The following CLIC5 variants were observed in gnomAD, a reference collection of about 807,000 sequenced individuals.
CLIC5 encodes chloride intracellular channel protein 5.
A neutral mutation model predicts 24.7 loss-of-function variants in CLIC5; 20 were observed. That is an observed-to-expected ratio of 0.81 (90% CI 0.57 to 1.18). The LOEUF (loss-of-function observed/expected upper bound fraction) is 1.18, where lower values mean the gene tolerates loss of function less well. Ranked by LOEUF, CLIC5 falls within the 50% of genes most tolerant of loss-of-function variation. The pLI is 0.00. For missense variants in CLIC5, 341 were observed against 326.1 expected (o/e 1.05, Z -0.35); for synonymous variants, 159 against 135.6 (o/e 1.17, Z -1.20).
At position 45,929,709 on chromosome 6, in the gene CLIC5, G is replaced by A. The variant is rs143772644; in HGVS notation, c.406+11838C>T. 8.3e-3 allele frequency among the ~76,000 whole-genome samples: 1,257 copies of A among 152,310 alleles called. 3 individuals carry two copies. The highest frequency in any genetic ancestry group is 0.014 in the Non-Finnish European group (919 of 68,028). ...CAAGATGGCCTGATAACAGCCCACC[G>A]TGGGGCTCCCAGGCCTCTGCAGCGG... is the stretch of plus-strand genomic sequence containing the variant. On this transcript the variant is annotated intron_variant, in intron 4 of 5. Coordinates refer to ENST00000339561, the MANE Select transcript of CLIC5 (RefSeq NM_016929.5).
intron 6 of CLIC5, among the ~76,000 whole-genome samples, chr6:45,883,047 A>G (rs1762276356): frequency 6.6e-6 from 1 of 152,194 alleles, no homozygotes; most frequent in African/African-American, 2.4e-5. Flanking sequence ...TGGGATGGAG[A>G]TTCCGAGCTG....
At chr6:46,122,961 T>G in the CLIC5 span, 1 of 151,992 alleles carries the variant, frequency 6.6e-6, no homozygotes, top group Non-Finnish European at 1.5e-5. Context: ...CCAAAAAAAG[T>G]CCAGGACCAG....
In CLIC5 at chr6:45,914,371, C is replaced by A. The variant is rs767341327; in HGVS notation, c.445G>T (p.Asp149Tyr). 1.3e-6 allele frequency: 2 copies of A among 1,594,320 alleles called. No homozygotes were observed. Among genetic ancestry groups the A allele is most frequent in the Non-Finnish European group, 1.7e-6 (2 of 1,165,484 alleles). The change falls in exon 5 of 6, where the codon GAT (aspartate) becomes TAT (tyrosine). Residue 149 changes from aspartate (D) to tyrosine (Y), a missense_variant. By Grantham distance (160) the Asp-to-Tyr change is radical. Coordinates refer to ENST00000339561, the MANE Select transcript of CLIC5 (RefSeq NM_016929.5). ...GGTAGAGGGGTGTTCAGGTAGTCAT[C>A]CAATTTCTTTAGAGCCTTGGTTAGG... Reference protein sequence around the residue: ...RGLTKALKKLDDYLNTPLPEE... With the variant: ...RGLTKALKKLYDYLNTPLPEE...
upstream of CLIC5, chr6:46,015,923 G>A (rs1318918256): frequency 2.0e-6 from 2 of 1,001,100 alleles, no homozygotes; most frequent in East Asian, 1.0e-4. Flanking sequence ...CAGCCGGGCG[G>A]GGACGCGGCG....
chr6:45,925,317 C>CTTTTT (rs10691767), intron 4 of CLIC5, among the ~76,000 whole-genome samples: 1 of 136,308 alleles, frequency 7.3e-6, no homozygotes, highest in African/African-American at 2.7e-5. Flanking sequence ...CATTATTCCG[C>CTTTTT]TTTTTTTTTT....
intron 1 of CLIC5, among the ~76,000 whole-genome samples, chr6:46,036,632 G>A (rs1334699375): frequency 6.6e-6 from 1 of 152,168 alleles, no homozygotes; most frequent in Non-Finnish European, 1.5e-5. Flanking sequence ...TTTGAGAATA[G>A]GACCACATCT....
At chr6:45,972,366 TA>T (rs1765229821) in intron 1 of CLIC5, among the ~76,000 whole-genome samples, 1 of 152,212 alleles carries the variant, frequency 6.6e-6, no homozygotes, top group Non-Finnish European at 1.5e-5. Flanking sequence ...TAATGGAACC[TA>T]CCACTGCCAT....
intron 4 of CLIC5, among the ~76,000 whole-genome samples, chr6:45,928,443 AG>A (rs1420224504): frequency 1.3e-5 from 2 of 152,214 alleles, no homozygotes; most frequent in African/African-American, 2.4e-5. Flanking sequence ...ACTTGGAAAA[AG>A]TTTCCTCAAA....
chr6:45,979,545 T>C (rs908962477), intron 1 of CLIC5, among the ~76,000 whole-genome samples: 6 of 152,244 alleles, frequency 3.9e-5, no homozygotes, highest in African/African-American at 7.2e-5. Context: ...CTGAATCACA[T>C]TGGGCTGACA....
chr6:46,006,924 G>A (rs895458418), intron 1 of CLIC5, among the ~76,000 whole-genome samples: 5 of 151,506 alleles, frequency 3.3e-5, no homozygotes, highest in East Asian at 2.0e-4. Context: ...CCCCTGCCTC[G>A]GCCTCCCAAA....
chr6:46,112,195 C>A, the CLIC5 span, among the ~76,000 whole-genome samples: 14 of 152,206 alleles, frequency 9.2e-5, no homozygotes, highest in East Asian at 2.5e-3. Context: ...CTTTGGTGGG[C>A]GGCATTTGTA....
chr6:45,925,267 T>C (rs554998034), intron 4 of CLIC5, among the ~76,000 whole-genome samples: 143 of 152,246 alleles, frequency 9.4e-4, no homozygotes, highest in African/African-American at 3.3e-3. Context: ...AAACACAACA[T>C]TTGCCAATAT....
At chr6:46,109,222 G>A in the CLIC5 span, among the ~76,000 whole-genome samples, 1 of 151,956 alleles carries the variant, frequency 6.6e-6, no homozygotes, top group East Asian at 1.9e-4. Context: ...TTTATAATTG[G>A]CTATAGTCCC....
chr6:45,937,676 T>TGG (rs1196841455), intron 4 of CLIC5: 1 of 152,274 alleles, frequency 6.6e-6, no homozygotes, highest in Non-Finnish European at 1.5e-5. Flanking sequence ...AGCTCGGACT[T>TGG]GTAGTCACTT....
chr6:45,996,784 C>A (rs1252549580), intron 1 of CLIC5, among the ~76,000 whole-genome samples: 8 of 151,818 alleles, frequency 5.3e-5, no homozygotes, highest in Non-Finnish European at 1.0e-4. Context: ...CAGAGAAATG[C>A]AAATCAAAAC....
At chr6:46,084,643 G>A (rs67133425), upstream of CLIC5, among the ~76,000 whole-genome samples, 7 of 152,162 alleles carry the variant, frequency 4.6e-5, no homozygotes, top group East Asian at 1.9e-4. Context: ...CGAGAGATCC[G>A]CTGTTAGTCT....
At chr6:45,961,336 A>G (rs566015118) in intron 1 of CLIC5, among the ~76,000 whole-genome samples, 1 of 152,188 alleles carries the variant, frequency 6.6e-6, no homozygotes, top group East Asian at 1.9e-4. Context: ...GGAATGCTAT[A>G]CTCCAGTTCT....
Position 45,955,229 on chromosome 6 carries a change from C to A in CLIC5, c.79G>T (p.Glu27Ter), listed in dbSNP as rs1764605029. 1 of 1,613,776 alleles carries A rather than the reference C, an allele frequency of 6.2e-7. No individual in the cohort carries two copies. Among genetic ancestry groups the A allele is most frequent in the African/African-American group, 1.3e-5 (1 of 75,042 alleles). ...ELFVKAGIDGESIGNCPFSQR... is the reference protein window; with the variant it reads ...ELFVKAGIDG ...GAGAAAGGACAGTTGCCGATGCTTT[C>A]TCCATCGATTCCAGCCTGGAAAGAA... Residue 27 changes from glutamate to a stop codon, truncating the protein, a stop_gained, in exon 2 of 6, where the codon GAA becomes TAA. Coordinates refer to ENST00000339561, the MANE Select transcript of CLIC5 (RefSeq NM_016929.5). LOFTEE classifies it high-confidence loss of function.
At chr6:45,920,991 A>G (rs1403413245) in intron 4 of CLIC5, among the ~76,000 whole-genome samples, 1 of 152,214 alleles carries the variant, frequency 6.6e-6, no homozygotes. Context: ...AGGTTTTAGA[A>G]ATGAGTCATG....
Sources: gnomAD v4.1 joint callset for allele counts (sites outside exome capture counted in the v4.1 genomes callset) on GRCh38, gnomAD v4.1.1 for gene constraint, MANE v1.5 for transcripts, NCBI Gene and HGNC (gene_info 2026-07-23, HGNC 2026-07-21) for gene names.